The following DPP6 variants were observed in gnomAD, a reference collection of about 807,000 sequenced individuals.
DPP6 encodes the protein A-type potassium channel modulatory protein DPP6.
In DPP6, 69 loss-of-function variants were observed where a neutral mutation model predicts 122.6. The observed-to-expected ratio is 0.56, with a 90% CI of 0.46 to 0.69. The LOEUF (loss-of-function observed/expected upper bound fraction) is 0.69. Among genes scored for constraint, DPP6 ranks in the 30% least tolerant of loss-of-function variants. The pLI, the probability that DPP6 is intolerant of heterozygous loss-of-function variation, is 0.00. For missense variants in DPP6, 928 were observed against 1,116.9 expected, an observed-to-expected ratio of 0.83 and a Z score of 2.41; for synonymous variants, 418 against 433.1, an observed-to-expected ratio of 0.97 and a Z score of 0.43.
chr7:153,938,252 CAG>C (rs1193415902), intron 1 of DPP6, among the ~76,000 whole-genome samples: 1 of 152,174 alleles, frequency 6.6e-6, no homozygotes, highest in Non-Finnish European at 1.5e-5. Context: ...GCGTTTGCCC[CAG>C]ATGAGCAGGT....
At chr7:154,250,648 AT>A in intron 1 of DPP6, among the ~76,000 whole-genome samples, 1 of 152,314 alleles carries the variant, frequency 6.6e-6, no homozygotes, top group Non-Finnish European at 1.5e-5. Context: ...ATGGAAAAAA[AT>A]GTCTTGCCTG....
At chr7:154,265,586 T>C (rs551884130) in intron 1 of DPP6, among the ~76,000 whole-genome samples, 1 of 152,350 alleles carries the variant, frequency 6.6e-6, no homozygotes, top group South Asian at 2.1e-4. Context: ...TATTCAATGC[T>C]GCTGCACCAT....
At chr7:154,376,696 A>G (rs1813157005) in intron 1 of DPP6, among the ~76,000 whole-genome samples, 1 of 152,212 alleles carries the variant, frequency 6.6e-6, no homozygotes, top group Non-Finnish European at 1.5e-5. Flanking sequence ...AGTTCTGGCT[A>G]CAGCAGATCT....
chr7:153,945,806 G>A (rs1314696300), intron 1 of DPP6, among the ~76,000 whole-genome samples: 1 of 152,204 alleles, frequency 6.6e-6, no homozygotes, highest in African/African-American at 2.4e-5. Context: ...GGGCTTTGTG[G>A]CCTTGGGTTA....
chr7:154,350,942 TGAGGCTGTTCCTCG>T (rs1810800874), intron 1 of DPP6, among the ~76,000 whole-genome samples: 1 of 152,186 alleles, frequency 6.6e-6, no homozygotes, highest in African/African-American at 2.4e-5. Flanking sequence ...ACTCCTGCGC[TGAGGCTGTTCCTCG>T]GAGGGCATTT....
intron 1 of DPP6, among the ~76,000 whole-genome samples, chr7:154,375,377 A>G (rs1813044955): frequency 1.3e-5 from 2 of 152,082 alleles, no homozygotes; most frequent in Admixed American, 1.3e-4. Flanking sequence ...AGGACCCGGA[A>G]AGGCACCATG....
rs1200857856 is a variant in DPP6 at position 154,604,664 on chromosome 7, T to A, written c.628-33157T>A. 1.7e-5 allele frequency among the ~76,000 whole-genome samples: 2 copies of A among 121,154 alleles called. 1 individual carries two copies. The highest frequency in any genetic ancestry group is 3.7e-5 in the Non-Finnish European group (2 of 53,672). 79.5% of individuals were successfully genotyped at this position (121,154 alleles called of 152,430 possible). ...TGCATAATTTTAAAATAGGGTAAAT[T>A]AGTGCTTCTTTTTAATCACACACTT... On this transcript the variant is annotated intron_variant, in intron 5 of 25. Coordinates refer to ENST00000377770, the MANE Select transcript of DPP6 (RefSeq NM_130797.4).
chr7:154,301,072 G>A (rs1384878342), intron 1 of DPP6, among the ~76,000 whole-genome samples: 1 of 152,170 alleles, frequency 6.6e-6, no homozygotes, highest in South Asian at 2.1e-4. Context: ...CTTGCTCTGA[G>A]TGACCTTGGG....
intron 17 of DPP6, among the ~76,000 whole-genome samples, chr7:154,866,169 G>A (rs1803859836): frequency 6.6e-6 from 1 of 152,234 alleles, no homozygotes; most frequent in Non-Finnish European, 1.5e-5. Flanking sequence ...CCCTGGGGCA[G>A]CAAAGAGCTT....
intron 5 of DPP6, among the ~76,000 whole-genome samples, chr7:154,576,365 TG>T (rs1260079083): frequency 6.6e-6 from 1 of 152,132 alleles, no homozygotes; most frequent in Admixed American, 6.5e-5. Context: ...ATGACCTTTC[TG>T]TGTAACTCAG....
At chr7:154,663,304 C>G (rs1419654421) in intron 6 of DPP6, among the ~76,000 whole-genome samples, 2 of 50,556 alleles carry the variant, frequency 4.0e-5, no homozygotes, top group South Asian at 1.3e-3. Flanking sequence ...GGCGTATTGG[C>G]CATAGTGTTC....
intron 1 of DPP6, among the ~76,000 whole-genome samples, chr7:153,962,702 C>T: frequency 6.6e-6 from 1 of 152,316 alleles, no homozygotes; most frequent in African/African-American, 2.4e-5. Flanking sequence ...TCTTGTTTCT[C>T]TGTGTTTCAT....
At chr7:154,496,246 A>G (rs1004759091) in intron 3 of DPP6, among the ~76,000 whole-genome samples, 2 of 152,194 alleles carry the variant, frequency 1.3e-5, no homozygotes, top group Admixed American at 6.5e-5. Flanking sequence ...TAAACATACT[A>G]CATACACTCC....
the DPP6 span, among the ~76,000 whole-genome samples, chr7:153,855,238 TAAAAA>T: frequency 1.5e-4 from 22 of 143,616 alleles, no homozygotes; most frequent in Non-Finnish European, 3.1e-5. Flanking sequence ...TAAAGTATAA[TAAAAA>T]AAAAGAAATA....
At chr7:154,726,482 C>T (rs888032619) in intron 7 of DPP6, among the ~76,000 whole-genome samples, 1 of 152,196 alleles carries the variant, frequency 6.6e-6, no homozygotes, top group African/African-American at 2.4e-5. Context: ...GTACCTTGGC[C>T]TCTTTTAGCC....
upstream of DPP6, among the ~76,000 whole-genome samples, chr7:153,883,989 T>A (rs2128989948): frequency 6.6e-6 from 1 of 152,272 alleles, no homozygotes; most frequent in Non-Finnish European, 1.5e-5. Flanking sequence ...ATTTGTTTCT[T>A]TTTTTGGGGG....
At chr7:154,061,058 C>G (rs140470029) in intron 1 of DPP6, among the ~76,000 whole-genome samples, 14,789 of 140,698 alleles carry the variant, frequency 0.11, 242 homozygotes, top group South Asian at 0.19. Flanking sequence ...ATTTACGATC[C>G]GACGGGTCCG....
intron 1 of DPP6, among the ~76,000 whole-genome samples, chr7:154,022,652 A>G (rs2129052404): frequency 6.6e-6 from 1 of 152,222 alleles, no homozygotes; most frequent in East Asian, 1.9e-4. Flanking sequence ...TCTTGTGTGT[A>G]TGTGTGGAGT....
At chr7:154,258,201 C>CT (rs1458723743) in intron 1 of DPP6, among the ~76,000 whole-genome samples, 1 of 152,112 alleles carries the variant, frequency 6.6e-6, no homozygotes, top group Non-Finnish European at 1.5e-5. Flanking sequence ...TGCTGCCCCA[C>CT]TTTTCATACC....
Sources: allele counts gnomAD v4.1 joint callset (sites outside exome capture counted in the v4.1 genomes callset), GRCh38; gene constraint gnomAD v4.1.1; transcripts MANE v1.5; gene names NCBI Gene and HGNC (gene_info 2026-07-23, HGNC 2026-07-21).